The following PLEKHA7 variants were observed in gnomAD, a reference collection of about 807,000 sequenced individuals.
PLEKHA7 encodes pleckstrin homology domain-containing family A member 7.
PLEKHA7 carries 104 observed loss-of-function variants against 170.0 expected under a neutral mutation model. The observed-to-expected ratio is 0.61, with a 90% CI of 0.52 to 0.72. The LOEUF (loss-of-function observed/expected upper bound fraction) is 0.72, where lower values mean the gene tolerates loss of function less well. Ranked by LOEUF, PLEKHA7 falls within the 30% of genes least tolerant of loss-of-function variation. The pLI is 0.00. For missense variants in PLEKHA7, 1,615 were observed against 1,671.7 expected (o/e 0.97, Z 0.59); for synonymous variants, 648 against 660.8 (o/e 0.98, Z 0.30).
At chr11:16,968,339 C>T (rs1862499541) in intron 3 of PLEKHA7, among the ~76,000 whole-genome samples, 1 of 152,194 alleles carries the variant, frequency 6.6e-6, no homozygotes, top group Non-Finnish European at 1.5e-5. Context: ...CACAGTGGGC[C>T]ACATGGAAAA....
rs550002701 is a variant in PLEKHA7, at chr11:16,986,969, A to G, written c.221+27020T>C. Among the ~76,000 whole-genome samples the G allele has an allele frequency of 1.4e-4, 21 of 152,322 alleles. No individual in the cohort carries two copies. The South Asian group carries it at 4.3e-3, about 32-fold the overall frequency. On this transcript the variant is annotated intron_variant, in intron 3 of 26. Coordinates refer to ENST00000531066, the MANE Select transcript of PLEKHA7 (RefSeq NM_001329630.2). Reference sequence around the variant, plus strand: ...CACCGGCAAGGGCATTTCCAGCCACATTCTCCAGCCAGTCTTACTGCCCAG... The same window carrying G: ...CACCGGCAAGGGCATTTCCAGCCACGTTCTCCAGCCAGTCTTACTGCCCAG...
rs1224752623 is a variant in PLEKHA7 at position 16,833,296 on chromosome 11, G to A, written c.873-6706C>T. ...AAACAAACCAGAATGCTAGGCTGAG[G>A]CTGCCTCCTGCCTCAGTAGAGCAGC... On this transcript the variant is annotated intron_variant, in intron 9 of 26. Coordinates refer to ENST00000531066, the MANE Select transcript of PLEKHA7 (RefSeq NM_001329630.2). Among the ~76,000 whole-genome samples, 3 of 152,076 alleles carry A rather than the reference G, an allele frequency of 2.0e-5. No homozygotes were observed. The East Asian group carries it at 5.8e-4, about 29-fold the overall frequency.
chr11:16,988,905 C>G (rs1405501146), intron 3 of PLEKHA7, among the ~76,000 whole-genome samples: 1 of 152,222 alleles, frequency 6.6e-6, no homozygotes, highest in African/African-American at 2.4e-5. Flanking sequence ...TGCAGCCAGC[C>G]CTCATGTCCC....
At chr11:16,795,195 A>T (rs1214108164) in intron 17 of PLEKHA7, 177 bp from the exon 18 acceptor site, 5 of 579,034 alleles carry the variant, frequency 8.6e-6, no homozygotes, top group Non-Finnish European at 1.5e-5. Flanking sequence ...ATAGACAAGG[A>T]AAATGCCCAC....
intron 3 of PLEKHA7, among the ~76,000 whole-genome samples, chr11:16,948,669 C>T (rs1565146270): frequency 2.2e-5 from 1 of 44,768 alleles, no homozygotes; most frequent in Admixed American, 3.2e-4. Flanking sequence ...CACACACACA[C>T]ACACAGACAC....
rs545113291 is a variant in PLEKHA7 at position 16,888,142 on chromosome 11, G to A, written c.222-16960C>T. On this transcript the variant is annotated intron_variant, in intron 3 of 26. Transcript: ENST00000531066. ...GCAGCCGCCCCATCTGAGAAGTGAG[G>A]AGCCCCTCCACCCGGCAGCCGTCCC... Among the ~76,000 whole-genome samples, 52 of 152,142 alleles carry A rather than the reference G, an allele frequency of 3.4e-4. No individual in the cohort carries two copies. In the South Asian group the frequency reaches 0.01, roughly 30 times the overall value.
intron 3 of PLEKHA7, among the ~76,000 whole-genome samples, chr11:16,892,404 T>G (rs1386826122): frequency 7.2e-5 from 7 of 96,984 alleles, no homozygotes; most frequent in Non-Finnish European, 1.0e-4. Flanking sequence ...GGTTGTTTTA[T>G]TTTGTGTGTG....
chr11:16,868,272 G>A (rs1854552961), intron 4 of PLEKHA7, among the ~76,000 whole-genome samples: 1 of 152,100 alleles, frequency 6.6e-6, no homozygotes, highest in African/African-American at 2.4e-5. Context: ...GATTCTATAC[G>A]ACTGACGCAG....
intron 3 of PLEKHA7, among the ~76,000 whole-genome samples, chr11:16,880,909 A>C (rs147107674): frequency 2.2e-4 from 34 of 152,324 alleles, no homozygotes; most frequent in Middle Eastern, 3.4e-3. Context: ...GCATTTTAAG[A>C]TGCTGCGGTT....
intron 16 of PLEKHA7, 36 bp downstream of exon 16, chr11:16,801,632 G>C (rs746450112): frequency 2.5e-6 from 4 of 1,612,594 alleles, no homozygotes; most frequent in Non-Finnish European, 3.4e-6. Context: ...TGCTCAGCCC[G>C]TCCTGAGGGA....
chr11:16,907,157 AGGTG>A (rs1392702091), intron 3 of PLEKHA7, among the ~76,000 whole-genome samples: 2 of 76,994 alleles, frequency 2.6e-5, no homozygotes, highest in African/African-American at 1.2e-4. Flanking sequence ...TCCGGAAGGG[AGGTG>A]GGGGGGTTAG....
chr11:16,916,989 C>T (rs1329126406), intron 3 of PLEKHA7, among the ~76,000 whole-genome samples: 2 of 152,072 alleles, frequency 1.3e-5, no homozygotes, highest in Non-Finnish European at 2.9e-5. Flanking sequence ...GAGGCCGAGG[C>T]GGGTGGATCA....
At chr11:16,826,083 G>T (rs765334559) in intron 10 of PLEKHA7, 37 bp downstream of exon 10, 13 of 1,580,822 alleles carry the variant, frequency 8.2e-6, no homozygotes, top group Non-Finnish European at 1.1e-5. Flanking sequence ...ACATTATCGT[G>T]CTCGTTATAA....
chr11:16,863,810 G>A (rs1854171604), intron 4 of PLEKHA7, among the ~76,000 whole-genome samples: 1 of 152,142 alleles, frequency 6.6e-6, no homozygotes, highest in Admixed American at 6.5e-5. Flanking sequence ...CTTTTAGCCA[G>A]AAAGGGTCTG....
At chr11:16,862,246 T>G (rs1854021545) in intron 4 of PLEKHA7, among the ~76,000 whole-genome samples, 1 of 152,182 alleles carries the variant, frequency 6.6e-6, no homozygotes, top group Non-Finnish European at 1.5e-5. Flanking sequence ...GCCTCTCACT[T>G]GGCATGAAAA....
intron 3 of PLEKHA7, among the ~76,000 whole-genome samples, chr11:16,932,531 T>A (rs1860017065): frequency 6.6e-6 from 1 of 152,172 alleles, no homozygotes; most frequent in South Asian, 2.1e-4. Context: ...GCAATCCTTT[T>A]GCCTGGGCCT....
At chr11:16,805,048 G>C (rs1848860775) in intron 13 of PLEKHA7, among the ~76,000 whole-genome samples, 1 of 152,158 alleles carries the variant, frequency 6.6e-6, no homozygotes, top group Non-Finnish European at 1.5e-5. Flanking sequence ...CTATGCCATC[G>C]TCCTTTCATC....
chr11:16,918,196 G>A (rs189255075), intron 3 of PLEKHA7, among the ~76,000 whole-genome samples: 1 of 152,162 alleles, frequency 6.6e-6, no homozygotes, highest in African/African-American at 2.4e-5. Context: ...GCAGGATAAG[G>A]GTTCTGTCAC....
intron 3 of PLEKHA7, among the ~76,000 whole-genome samples, chr11:16,963,642 C>A (rs1862199751): frequency 1.3e-5 from 2 of 152,078 alleles, no homozygotes; most frequent in Admixed American, 1.3e-4. Flanking sequence ...GAACATGTCC[C>A]CTGGGGAGCC....
Sources: allele counts gnomAD v4.1 joint callset (sites outside exome capture counted in the v4.1 genomes callset), GRCh38; gene constraint gnomAD v4.1.1; transcripts MANE v1.5; gene names NCBI Gene and HGNC (gene_info 2026-07-23, HGNC 2026-07-21).